The following AFG2A variants were observed in gnomAD, a reference collection of about 807,000 sequenced individuals.
AFG2A encodes ATPase family gene 2 protein homolog A.
the AFG2A span, among the ~76,000 whole-genome samples, chr4:123,306,522 A>G: frequency 2.0e-5 from 3 of 151,634 alleles, no homozygotes; most frequent in Non-Finnish European, 4.4e-5. Context: ...AGCTGTATAT[A>G]TATATATATT....
chr4:123,070,333 A>G, the AFG2A span, among the ~76,000 whole-genome samples: 1 of 152,234 alleles, frequency 6.6e-6, no homozygotes, highest in East Asian at 1.9e-4. Flanking sequence ...TGTGCTAAGT[A>G]CTGTGCTAGA....
chr4:123,072,684 A>G, the AFG2A span, among the ~76,000 whole-genome samples: 36 of 152,302 alleles, frequency 2.4e-4, no homozygotes, highest in African/African-American at 3.6e-4. Flanking sequence ...AACACTAGGG[A>G]AAAATGCAGT....
chr4:123,198,799 T>C, the AFG2A span, among the ~76,000 whole-genome samples: 1 of 152,184 alleles, frequency 6.6e-6, no homozygotes, highest in Non-Finnish European at 1.5e-5. Flanking sequence ...TAATATATTT[T>C]CTGTTACTCG....
At chr4:123,134,290 G>A in the AFG2A span, among the ~76,000 whole-genome samples, 1 of 152,120 alleles carries the variant, frequency 6.6e-6, no homozygotes, top group Admixed American at 6.6e-5. Context: ...TATAAGGGGT[G>A]AGAAAAGGGT....
At chr4:123,216,373 C>A in the AFG2A span, among the ~76,000 whole-genome samples, 1 of 152,108 alleles carries the variant, frequency 6.6e-6, no homozygotes, top group African/African-American at 2.4e-5. Flanking sequence ...ATTTTTAAAA[C>A]TTTGTCCTAG....
the AFG2A span, among the ~76,000 whole-genome samples, chr4:122,923,899 G>T: frequency 6.6e-6 from 1 of 152,282 alleles, no homozygotes; most frequent in African/African-American, 2.4e-5. Context: ...GTGCTAAGTG[G>T]CAGAGCCGAT....
At chr4:123,228,101 G>T in the AFG2A span, among the ~76,000 whole-genome samples, 1 of 152,142 alleles carries the variant, frequency 6.6e-6, no homozygotes, top group Non-Finnish European at 1.5e-5. Context: ...GAGCCTATGT[G>T]TGTCTCTGTA....
chr4:122,964,380 T>G, the AFG2A span, among the ~76,000 whole-genome samples: 4 of 151,888 alleles, frequency 2.6e-5, no homozygotes, highest in Non-Finnish European at 5.9e-5. Flanking sequence ...GGCACATGCC[T>G]GTAGTCCCAG....
the AFG2A span, among the ~76,000 whole-genome samples, chr4:123,232,334 T>A: frequency 6.6e-6 from 1 of 151,958 alleles, no homozygotes; most frequent in East Asian, 1.9e-4. Flanking sequence ...CAAGTAACAA[T>A]GCATGAATAG....
the AFG2A span, among the ~76,000 whole-genome samples, chr4:123,054,093 G>T: frequency 4.6e-5 from 7 of 152,210 alleles, no homozygotes; most frequent in Admixed American, 3.3e-4. Context: ...TAGTGTGCAT[G>T]ATTTCTCTGA....
At chr4:122,933,333 CT>C in the AFG2A span, 6 of 861,272 alleles carry the variant, frequency 7.0e-6, no homozygotes, top group Non-Finnish European at 5.4e-6. Context: ...GTGGATTATT[CT>C]TTTGATTAAG....
chr4:123,035,068 G>C, the AFG2A span, among the ~76,000 whole-genome samples: 1 of 152,294 alleles, frequency 6.6e-6, no homozygotes, highest in East Asian at 1.9e-4. Flanking sequence ...ACCTGGGTTT[G>C]GGGCTGCCCT....
the AFG2A span, among the ~76,000 whole-genome samples, chr4:123,292,242 C>G: frequency 2.6e-5 from 4 of 152,122 alleles, no homozygotes; most frequent in Non-Finnish European, 5.9e-5. Context: ...AAATATGTCT[C>G]TTTAGAAAAC....
chr4:123,089,672 C>A, the AFG2A span, among the ~76,000 whole-genome samples: 1 of 152,072 alleles, frequency 6.6e-6, no homozygotes, highest in South Asian at 2.1e-4. Flanking sequence ...GCAACCTCCA[C>A]CTCCCAGGTT....
the AFG2A span, among the ~76,000 whole-genome samples, chr4:122,951,459 C>CAT: frequency 6.7e-6 from 1 of 150,356 alleles, no homozygotes; most frequent in Non-Finnish European, 1.5e-5. Context: ...CACACACACA[C>CAT]GCACGCACAC....
chr4:122,953,327 C>T, the AFG2A span, among the ~76,000 whole-genome samples: 1 of 152,218 alleles, frequency 6.6e-6, no homozygotes, highest in Non-Finnish European at 1.5e-5. Context: ...AATACTCAGA[C>T]AGTTCAACCT....
At chr4:123,080,735 GT>G in the AFG2A span, among the ~76,000 whole-genome samples, 1 of 151,924 alleles carries the variant, frequency 6.6e-6, no homozygotes, top group Non-Finnish European at 1.5e-5. Context: ...TACAGTTAAA[GT>G]TTTTTTCATC....
the AFG2A span, among the ~76,000 whole-genome samples, chr4:123,069,753 A>G: frequency 9.9e-5 from 15 of 152,216 alleles, no homozygotes; most frequent in Non-Finnish European, 1.9e-4. Flanking sequence ...AAAATAAATA[A>G]CTACTTGAGG....
chr4:123,251,356 G>A, the AFG2A span, among the ~76,000 whole-genome samples: 1 of 152,108 alleles, frequency 6.6e-6, no homozygotes, highest in African/African-American at 2.4e-5. Context: ...TGAGAGAATT[G>A]TTGAAGTTTG....
Sources: allele counts gnomAD v4.1 joint callset (sites outside exome capture counted in the v4.1 genomes callset), GRCh38; gene constraint gnomAD v4.1.1; transcripts MANE v1.5; gene names NCBI Gene and HGNC (gene_info 2026-07-23, HGNC 2026-07-21).